MAML3: variants seen among roughly 807,000 people sequenced by gnomAD.
MAML3 encodes the protein mastermind-like protein 3.
In MAML3, 27 loss-of-function variants were observed where a neutral mutation model predicts 101.9. That is an observed-to-expected ratio of 0.27 (90% CI 0.20 to 0.37). MAML3 has a LOEUF of 0.37. Ranked by LOEUF, MAML3 falls within the 10% of genes least tolerant of loss-of-function variation. MAML3 has a pLI of 1.00. For synonymous variants in MAML3, 501 were observed against 555.9 expected, an observed-to-expected ratio of 0.90 and a Z score of 1.39; for missense variants, 1,316 against 1,444.9, an observed-to-expected ratio of 0.91 and a Z score of 1.45.
At chr4:140,142,521 T>C (rs1728993211) in intron 1 of MAML3, among the ~76,000 whole-genome samples, 2 of 152,208 alleles carry the variant, frequency 1.3e-5, no homozygotes, top group Admixed American at 6.5e-5. Context: ...ACAGTTCTAC[T>C]CAGCAAAGCA....
intron 1 of MAML3, among the ~76,000 whole-genome samples, chr4:139,925,775 T>A (rs942699136): frequency 2.0e-5 from 3 of 152,222 alleles, no homozygotes; most frequent in Non-Finnish European, 4.4e-5. Flanking sequence ...TCTGTACGTT[T>A]GAACATTTCT....
intron 2 of MAML3, among the ~76,000 whole-genome samples, chr4:139,805,627 T>A (rs1730686424): frequency 6.6e-6 from 1 of 152,222 alleles, no homozygotes; most frequent in Non-Finnish European, 1.5e-5. Context: ...TTCTTATTCC[T>A]GAATGAAGAG....
At chr4:139,855,459 CT>C (rs1731640307) in intron 2 of MAML3, among the ~76,000 whole-genome samples, 1 of 152,200 alleles carries the variant, frequency 6.6e-6, no homozygotes, top group African/African-American at 2.4e-5. Context: ...TATTTTTCCT[CT>C]GTTTTTCAAC....
At chr4:140,111,358 G>A (rs1728435499) in intron 1 of MAML3, among the ~76,000 whole-genome samples, 1 of 152,174 alleles carries the variant, frequency 6.6e-6, no homozygotes, top group African/African-American at 2.4e-5. Context: ...CCTACTAATG[G>A]AAAAATTCAA....
intron 1 of MAML3, among the ~76,000 whole-genome samples, chr4:139,952,107 G>C (rs1733841047): frequency 6.6e-6 from 1 of 152,162 alleles, no homozygotes. Context: ...AGAGGCTGCA[G>C]TGAGCCGAGA....
chr4:139,995,231 C>G (rs1223079154), intron 1 of MAML3, among the ~76,000 whole-genome samples: 2 of 152,182 alleles, frequency 1.3e-5, no homozygotes, highest in African/African-American at 4.8e-5. Flanking sequence ...ACCAACTTTA[C>G]ATTAATGGGA....
At chr4:139,852,426 T>TTTTTTTTTTTTTTTC (rs1731576423) in intron 2 of MAML3, among the ~76,000 whole-genome samples, 1 of 142,392 alleles carries the variant, frequency 7.0e-6, no homozygotes, top group African/African-American at 2.7e-5. Flanking sequence ...TTTTTTTTTT[T>TTTTTTTTTTTTTTTC]TTTTGAGACA....
intron 1 of MAML3, among the ~76,000 whole-genome samples, chr4:140,082,861 CA>C (rs1179316469): frequency 6.6e-6 from 1 of 151,894 alleles, no homozygotes; most frequent in Non-Finnish European, 1.5e-5. Context: ...GCCCTAAATT[CA>C]AAAAGAACCA....
intron 1 of MAML3, among the ~76,000 whole-genome samples, chr4:140,055,135 T>C (rs953672958): frequency 5.9e-5 from 9 of 152,306 alleles, no homozygotes; most frequent in African/African-American, 2.2e-4. Flanking sequence ...CTCAAGAATC[T>C]CTTATTCTGA....
intron 2 of MAML3, among the ~76,000 whole-genome samples, chr4:139,757,013 C>T (rs1007506661): frequency 2.6e-5 from 4 of 152,260 alleles, no homozygotes; most frequent in Middle Eastern, 3.4e-3. Flanking sequence ...TTGCCCACTG[C>T]GCTCTGGTCT....
intron 2 of MAML3, among the ~76,000 whole-genome samples, chr4:139,867,571 C>T (rs1169734173): frequency 2.0e-5 from 3 of 152,166 alleles, no homozygotes; most frequent in South Asian, 2.1e-4. Context: ...GAGAGGCTTG[C>T]CCCAGGCACA....
intron 1 of MAML3, among the ~76,000 whole-genome samples, chr4:140,011,610 C>T (rs1726565992): frequency 6.6e-6 from 1 of 151,948 alleles, no homozygotes; most frequent in East Asian, 1.9e-4. Context: ...TCCCAAAGTG[C>T]TGGGATTACA....
intron 1 of MAML3, among the ~76,000 whole-genome samples, chr4:140,125,131 C>CT (rs1158522897): frequency 6.6e-6 from 1 of 151,920 alleles, no homozygotes; most frequent in East Asian, 1.9e-4. Context: ...CATGTATGTT[C>CT]TATTAAAAGA....
intron 1 of MAML3, among the ~76,000 whole-genome samples, chr4:140,086,211 G>A (rs569196478): frequency 1.3e-5 from 2 of 152,188 alleles, no homozygotes; most frequent in East Asian, 3.9e-4. Context: ...GGGAATAGCT[G>A]ATCTGACCCT....
At chr4:140,058,894 T>C (rs1350252500) in intron 1 of MAML3, among the ~76,000 whole-genome samples, 3 of 152,190 alleles carry the variant, frequency 2.0e-5, no homozygotes, top group Non-Finnish European at 2.9e-5. Flanking sequence ...AGAATCGGTA[T>C]GAGACAAATG....
chr4:140,015,812 A>G (rs1726632788), intron 1 of MAML3, among the ~76,000 whole-genome samples: 1 of 152,076 alleles, frequency 6.6e-6, no homozygotes, highest in Admixed American at 6.6e-5. Flanking sequence ...AATTAGCCAC[A>G]TGTGGTGGCA....
At chr4:139,941,488 T>A (rs1002148636) in intron 1 of MAML3, among the ~76,000 whole-genome samples, 11 of 152,174 alleles carry the variant, frequency 7.2e-5, no homozygotes, top group African/African-American at 2.7e-4. Context: ...CTAATTCTGG[T>A]ACGCAAAACT....
chr4:139,722,533 T>A (rs956784429), intron 4 of MAML3, among the ~76,000 whole-genome samples: 2 of 152,240 alleles, frequency 1.3e-5, no homozygotes, highest in African/African-American at 4.8e-5. Context: ...GTCTGCTGGT[T>A]AACATCACAA....
chr4:140,106,457 G>A (rs1728352656), intron 1 of MAML3, among the ~76,000 whole-genome samples: 1 of 152,202 alleles, frequency 6.6e-6, no homozygotes, highest in African/African-American at 2.4e-5. Context: ...GCATGCATTT[G>A]TGTGTGGGCA....
Sources: gnomAD v4.1 joint callset for allele counts (sites outside exome capture counted in the v4.1 genomes callset) on GRCh38, gnomAD v4.1.1 for gene constraint, MANE v1.5 for transcripts, NCBI Gene and HGNC (gene_info 2026-07-23, HGNC 2026-07-21) for gene names.